KRT13: variants seen among roughly 807,000 people sequenced by gnomAD.
KRT13 encodes the protein keratin 13.
In KRT13, 27 loss-of-function variants were observed where a neutral mutation model predicts 40.6. That is an observed-to-expected ratio of 0.67 (90% confidence interval 0.49 to 0.92). The LOEUF is 0.92. Ranked by LOEUF, KRT13 falls within the 40% of genes least tolerant of loss-of-function variation. The pLI, the probability that KRT13 is intolerant of heterozygous loss-of-function variation, is 0.00. For synonymous variants in KRT13, 266 were observed against 240.3 expected, an observed-to-expected ratio of 1.11 and a Z score of -0.99; for missense variants, 605 against 611.5, an observed-to-expected ratio of 0.99 and a Z score of 0.11.
Position 41,501,284 on chromosome 17 carries a change from C to A in KRT13, c.1349G>T (p.Arg450Leu), listed in dbSNP as rs867119090. ...AGGCCTACGGACATCAGAAGTGCGG[C>A]GACCAGAGGCATTAGAGGTGGTGGT... ...SVTTTSNASG[R>L]RTSDVRRP The change falls in exon 8 of 8, where the codon CGC becomes CTC. Residue 450 changes from arginine (R) to leucine (L), a missense_variant. Coordinates refer to ENST00000246635, the MANE Select transcript of KRT13 (RefSeq NM_153490.3). 6 of 1,571,910 alleles carry A rather than the reference C, an allele frequency of 3.8e-6. No homozygotes were observed. In the South Asian group the frequency reaches 7.0e-5, roughly 18 times the overall value.
chr17:41,501,358 G>A lies in KRT13; in HGVS notation c.1275C>T (p.Ser425=), dbSNP rs370715601. 73 of 1,558,552 alleles carry A rather than the reference G, an allele frequency of 4.7e-5. No individual in the cohort carries two copies. The South Asian group carries it at 4.8e-4, about 10-fold the overall frequency. Residue 425 remains serine, a synonymous_variant, in exon 8 of 8, where the codon AGC becomes AGT. Coordinates refer to ENST00000246635, the MANE Select transcript of KRT13 (RefSeq NM_153490.3). ...KMIGFPSSAG[S]VSPRSTSVTT... ...TAACAGAGGTGCTACGGGGGCTGAC[G>A]CTTCCTGGGAAACAAGAGACAAGAC... is the stretch of plus-strand genomic sequence containing the variant.
At chr17:41,501,653 C>A in intron 7 of KRT13, 66 bp downstream of exon 7, 1 of 1,552,260 alleles carries the variant, frequency 6.4e-7, no homozygotes, top group Non-Finnish European at 8.7e-7. Flanking sequence ...CAGCTCCCAC[C>A]CCCATTGGGG....
Position 41,501,261 on chromosome 17 carries a change from G to A in KRT13, c.1372C>T (p.Pro458Ser). 1 of 1,559,646 alleles carries A rather than the reference G, an allele frequency of 6.4e-7. No homozygotes were observed. The highest frequency in any genetic ancestry group is 8.7e-7 in the Non-Finnish European group (1 of 1,150,286). The change falls in exon 8 of 8, where the codon CCT becomes TCT. Residue 458 changes from proline to serine, a missense_variant. Coordinates refer to ENST00000246635, the MANE Select transcript of KRT13 (RefSeq NM_153490.3). ...GGAGGGGACGCCAGGCAGATTTAAG[G>A]CCTACGGACATCAGAAGTGCGGCGA... The part of the protein sequence containing the change: ...SGRRTSDVRR[P>S]
chr17:41,503,737 A>T lies in KRT13; in HGVS notation c.496-12T>A. On this transcript the variant is annotated splice_polypyrimidine_tract_variant and intron_variant, in intron 1 of 7. Transcript: ENST00000246635. Reference sequence around the variant, plus strand: ...GTGGCGGTCAGGATCTACAAAATGCAGAAGAAGGTAACCTCTAGGGCATGG... The same window carrying T: ...GTGGCGGTCAGGATCTACAAAATGCTGAAGAAGGTAACCTCTAGGGCATGG... 6.2e-7 allele frequency: 1 copy of T among 1,611,942 alleles called. No individual in the cohort carries two copies. Among genetic ancestry groups the T allele is most frequent in the South Asian group, 1.1e-5 (1 of 91,020 alleles).
intron 7 of KRT13, 175 bp downstream of exon 7, chr17:41,501,544 C>A (rs1264247730): frequency 1.8e-5 from 22 of 1,213,998 alleles, no homozygotes; most frequent in Admixed American, 1.4e-4. Context: ...GCAGAGCCAT[C>A]AGTTTCAAAA....
intron 6 of KRT13, chr17:41,502,006 C>T (rs1049702147): frequency 6.2e-5 from 88 of 1,419,806 alleles, no homozygotes; most frequent in Non-Finnish European, 7.8e-5. Context: ...CCCTCTGGAT[C>T]GCCCAAACCC....
In KRT13 at chr17:41,502,717, C is replaced by A; in HGVS notation, c.993G>T (p.Leu331=). Residue 331 remains leucine (L), a synonymous_variant, in exon 5 of 8, where the codon CTG becomes CTT. Transcript: ENST00000246635. ...ITELRRTLQG[L]EIELQSQLSM... ...TCAGCTGGGACTGCAGCTCAATCTC[C>A]AGGCCTTGGAGCGTGCGCCTGAGCT... is the stretch of plus-strand genomic sequence containing the variant. The A allele has an allele frequency of 6.2e-7, 1 of 1,614,200 alleles. No homozygotes were observed. Among genetic ancestry groups the A allele is most frequent in the Non-Finnish European group, 8.5e-7 (1 of 1,180,054 alleles).
intron 1 of KRT13, 66 bp downstream of exon 1, chr17:41,504,990 T>A: frequency 6.3e-7 from 1 of 1,589,320 alleles, no homozygotes; most frequent in Admixed American, 1.7e-5. Flanking sequence ...CCCACAACAC[T>A]GTGTTTCTTG....
rs192772396 is a variant in KRT13, at chr17:41,502,603, G to A, written c.1024-9C>T. 85 of 1,613,368 alleles carry A rather than the reference G, an allele frequency of 5.3e-5. No individual in the cohort carries two copies. The highest frequency in any genetic ancestry group is 1.2e-4 in the Admixed American group (7 of 60,030). On this transcript the variant is annotated splice_polypyrimidine_tract_variant and intron_variant, in intron 5 of 7. Coordinates refer to ENST00000246635, the MANE Select transcript of KRT13 (RefSeq NM_153490.3). ...TTCTCCAGCCCCGCTTTCTGGTGGA[G>A]CGACAGACAAGAAGTTACAGAGGGA...
In KRT13 at chr17:41,502,990, C is replaced by T. The variant is rs202057977; in HGVS notation, c.844G>A (p.Glu282Lys). Residue 282 changes from glutamate to lysine, a missense_variant, in exon 4 of 8, where the codon GAG becomes AAG. Glu to Lys is a moderately conservative substitution (Grantham distance 56, BLOSUM62 1). Transcript: ENST00000246635. The stretch of plus-strand genomic sequence containing the variant: ...CGGCGGTTCCTCTCTGCCATGGCCT[C>T]GTACTGCTCCCTCATCTCTGCCAGC... ...RVLAEMREQYEAMAERNRRDA... is the reference protein window; with the variant it reads ...RVLAEMREQYKAMAERNRRDA... 23 of 1,614,220 alleles carry T rather than the reference C, an allele frequency of 1.4e-5. No homozygotes were observed. The highest frequency in any genetic ancestry group is 1.9e-5 in the Non-Finnish European group (22 of 1,180,038).
In KRT13 at chr17:41,503,701, T is replaced by A. The variant is rs751384562; in HGVS notation, c.520A>T (p.Asn174Tyr). Reference protein sequence around the residue: ...DKILTATIENNRVILEIDNAR... With the variant: ...DKILTATIENYRVILEIDNAR... ...TTGTCAATCTCCAGGATGACCCGGT[T>A]GTTTTCAATGGTGGCGGTCAGGATC... The change falls in exon 2 of 8, where the codon AAC becomes TAC. Residue 174 changes from asparagine to tyrosine, a missense_variant. Transcript: ENST00000246635. 6.2e-7 allele frequency: 1 copy of A among 1,614,052 alleles called. No individual in the cohort carries two copies. The highest frequency in any genetic ancestry group is 8.5e-7 in the Non-Finnish European group (1 of 1,179,976).
chr17:41,505,089 G>A lies in KRT13; in HGVS notation c.462C>T (p.Pro154=). 6.2e-7 allele frequency: 1 copy of A among 1,614,232 alleles called. No individual in the cohort carries two copies. The highest frequency in any genetic ancestry group is 8.5e-7 in the Non-Finnish European group (1 of 1,180,046). ...SPASPERDYS[P]YYKTIEELRD... ...GGAGCTCTTCAATGGTCTTGTAGTAGGGGCTGTAGTCCCGCTCAGGGCTAG... is the reference window on the plus strand; with the variant it reads ...GGAGCTCTTCAATGGTCTTGTAGTAAGGGCTGTAGTCCCGCTCAGGGCTAG... Residue 154 remains proline, a synonymous_variant, in exon 1 of 8, where the codon CCC becomes CCT. Transcript: ENST00000246635.
Position 41,501,877 on chromosome 17 carries a change from C to T in KRT13, c.1245-133G>A, listed in dbSNP as rs1387042585. Reference sequence around the variant, plus strand: ...GACTCTAGTGCCTCCTAGCTGTGCCCCCAGCTCAAGGGACAGCAGCATCAG... The same window carrying T: ...GACTCTAGTGCCTCCTAGCTGTGCCTCCAGCTCAAGGGACAGCAGCATCAG... On this transcript the variant is annotated intron_variant, in intron 6 of 7. Coordinates refer to ENST00000246635, the MANE Select transcript of KRT13 (RefSeq NM_153490.3). The T allele has an allele frequency of 2.6e-6, 4 of 1,537,906 alleles. No homozygotes were observed. In the African/African-American group the frequency reaches 5.5e-5, roughly 21 times the overall value.
rs752831701 is a variant in KRT13 at position 41,501,241 on chromosome 17, G to C, written c.*15C>G. ...TCTGGGTGCTGAAGACAGAGGGAGG[G>C]GACGCCAGGCAGATTTAAGGCCTAC... On this transcript the variant is annotated 3_prime_UTR_variant, in exon 8 of 8. Coordinates refer to ENST00000246635, the MANE Select transcript of KRT13 (RefSeq NM_153490.3). 5.9e-6 allele frequency: 9 copies of C among 1,530,988 alleles called. No individual in the cohort carries two copies. The East Asian group carries it at 1.5e-4, about 25-fold the overall frequency. 94.8% of individuals were successfully genotyped at this position (1,530,988 alleles called of 1,614,324 possible).
chr17:41,501,766 G>A, intron 6 of KRT13, 22 bp from the exon 7 acceptor site: 1 of 1,592,946 alleles, frequency 6.3e-7, no homozygotes, highest in Non-Finnish European at 8.6e-7. Flanking sequence ...GACAGAGGTG[G>A]CCATGAGCAG....
intron 6 of KRT13, chr17:41,502,079 G>A (rs552306570): frequency 7.9e-5 from 112 of 1,416,226 alleles, no homozygotes; most frequent in Non-Finnish European, 9.6e-5. Context: ...GGGTCTAAAG[G>A]CAGTTAAAGC....
At chr17:41,502,341 A>G (rs1332637582) in intron 6 of KRT13, 33 bp downstream of exon 6, 2 of 1,613,612 alleles carry the variant, frequency 1.2e-6, no homozygotes, top group Admixed American at 3.3e-5. Flanking sequence ...TCCTGCAGTC[A>G]CTATCCTAAG....
At chr17:41,501,534 G>T in intron 7 of KRT13, 172 bp from the exon 8 acceptor site, 1 of 1,155,184 alleles carries the variant, frequency 8.7e-7, no homozygotes, top group Non-Finnish European at 1.3e-6. Flanking sequence ...GCTCTGTGGG[G>T]CAGAGCCATC....
rs753182982 is a variant in KRT13 at position 41,503,109 on chromosome 17, G to A, written c.736-11C>T. ...AAATTCCTTCATCTCCTGTGGGGAT[G>A]GGAAAGGAAGATGTGTGAGGCTACT... On this transcript the variant is annotated splice_polypyrimidine_tract_variant and intron_variant, in intron 3 of 7. Coordinates refer to ENST00000246635, the MANE Select transcript of KRT13 (RefSeq NM_153490.3). The A allele has an allele frequency of 1.9e-6, 3 of 1,613,962 alleles. No individual in the cohort carries two copies. The African/African-American group carries it at 4.0e-5, about 22-fold the overall frequency.
Sources: gnomAD v4.1 joint callset for allele counts on GRCh38, gnomAD v4.1.1 for gene constraint, MANE v1.5 for transcripts, NCBI Gene and HGNC (gene_info 2026-07-23, HGNC 2026-07-21) for gene names.